Variants in SPOCK1 observed in about 807,000 individuals in gnomAD.
The protein encoded by SPOCK1 is testican-1.
In SPOCK1, 23 loss-of-function variants were observed where a neutral mutation model predicts 55.3. The ratio of observed to expected loss-of-function variants is 0.42; its 90% confidence interval spans 0.30 to 0.59. The LOEUF (loss-of-function observed/expected upper bound fraction) is 0.59, where lower values mean the gene tolerates loss of function less well. Ranked by LOEUF, SPOCK1 falls within the 20% of genes least tolerant of loss-of-function variation. The probability of loss-of-function intolerance (pLI) is 0.22; values close to 1 mark genes in which losing one functional copy is unlikely to be tolerated. For synonymous variants in SPOCK1, 226 were observed against 221.0 expected, an observed-to-expected ratio of 1.02 and a Z score of -0.20; for missense variants, 499 against 552.5, an observed-to-expected ratio of 0.90 and a Z score of 0.97.
intron 3 of SPOCK1, among the ~76,000 whole-genome samples, chr5:137,217,864 C>T (rs1046238367): frequency 1.3e-5 from 2 of 152,176 alleles, no homozygotes; most frequent in South Asian, 4.2e-4. Context: ...AAGTGACAAG[C>T]GGGAATAGAA....
intron 3 of SPOCK1, among the ~76,000 whole-genome samples, chr5:137,147,430 C>G (rs1417362274): frequency 1.3e-5 from 2 of 152,182 alleles, no homozygotes; most frequent in Non-Finnish European, 2.9e-5. Flanking sequence ...GCTTAAACAA[C>G]AGAAATTTAT....
chr5:137,407,469 G>T (rs1229719), intron 2 of SPOCK1, among the ~76,000 whole-genome samples: 8 of 151,886 alleles, frequency 5.3e-5, no homozygotes, highest in South Asian at 2.1e-4. Flanking sequence ...TACCTGAGAG[G>T]GGGGAGTGGT....
At position 137,381,875 on chromosome 5, in the gene SPOCK1, G is replaced by T. The variant is rs373194475; in HGVS notation, c.187-114820C>A. Among the ~76,000 whole-genome samples the T allele has an allele frequency of 7.2e-5, 11 of 152,322 alleles. No homozygotes were observed. In the East Asian group the frequency reaches 1.2e-3, roughly 16 times the overall value. On this transcript the variant is annotated intron_variant, in intron 2 of 10. Transcript: ENST00000394945. ...CTCTTTACTTATGCAAATTTCTGCA[G>T]CAGACTTGAATTTCTCCACCAAAAA...
chr5:137,074,413 A>G (rs1420673729), intron 5 of SPOCK1, among the ~76,000 whole-genome samples: 1 of 152,190 alleles, frequency 6.6e-6, no homozygotes, highest in African/African-American at 2.4e-5. Flanking sequence ...AGGTGTCACA[A>G]TGCTGCAAAT....
At chr5:137,069,549 T>C (rs1752570296) in intron 5 of SPOCK1, among the ~76,000 whole-genome samples, 3 of 152,182 alleles carry the variant, frequency 2.0e-5, no homozygotes, top group Admixed American at 6.5e-5. Context: ...AAAGAGGACC[T>C]CAGGTATGGG....
chr5:137,390,654 C>T (rs560056106), intron 2 of SPOCK1, among the ~76,000 whole-genome samples: 6 of 152,134 alleles, frequency 3.9e-5, no homozygotes, highest in Non-Finnish European at 5.9e-5. Context: ...TTCTCAACTA[C>T]CAGAGGCAAA....
intron 5 of SPOCK1, among the ~76,000 whole-genome samples, chr5:137,075,487 G>C (rs1253070730): frequency 1.3e-5 from 2 of 152,222 alleles, no homozygotes; most frequent in African/African-American, 4.8e-5. Flanking sequence ...AAGTGATCCA[G>C]GTTTTCCAGA....
chr5:137,111,078 G>A (rs1303499165), intron 5 of SPOCK1, among the ~76,000 whole-genome samples: 2 of 152,096 alleles, frequency 1.3e-5, no homozygotes, highest in Non-Finnish European at 2.9e-5. Context: ...AAAATCGATA[G>A]GGAAAAGTGG....
At chr5:137,223,883 A>C (rs1162449108) in intron 3 of SPOCK1, among the ~76,000 whole-genome samples, 1 of 152,206 alleles carries the variant, frequency 6.6e-6, no homozygotes, top group Non-Finnish European at 1.5e-5. Context: ...GTACAAAATA[A>C]AGTTTATGAA....
At chr5:137,063,239 CAAA>C (rs34720226) in intron 6 of SPOCK1, among the ~76,000 whole-genome samples, 9 of 100,248 alleles carry the variant, frequency 9.0e-5, no homozygotes, top group Non-Finnish European at 1.3e-4. Context: ...GACTCCATCT[CAAA>C]AAAAAAAAAA....
intron 4 of SPOCK1, among the ~76,000 whole-genome samples, chr5:137,135,438 G>A (rs1451656230): frequency 6.6e-6 from 1 of 152,168 alleles, no homozygotes; most frequent in African/African-American, 2.4e-5. Flanking sequence ...TCCCCTAAGA[G>A]AACATTTTTC....
intron 6 of SPOCK1, among the ~76,000 whole-genome samples, chr5:137,039,718 C>T (rs534224039): frequency 6.6e-6 from 1 of 152,316 alleles, no homozygotes; most frequent in Admixed American, 6.5e-5. Context: ...AGCCTATAAA[C>T]CCAAAGCTGT....
chr5:137,162,044 T>C (rs1414637619), intron 3 of SPOCK1, among the ~76,000 whole-genome samples: 1 of 152,198 alleles, frequency 6.6e-6, no homozygotes, highest in Non-Finnish European at 1.5e-5. Flanking sequence ...AAAGTTGTTT[T>C]TCTTTCTTTC....
chr5:137,160,570 ATT>A (rs1491419504), intron 3 of SPOCK1, among the ~76,000 whole-genome samples: 7,700 of 71,822 alleles, frequency 0.11, 678 homozygotes, highest in East Asian at 0.21. Context: ...TATATTATAT[ATT>A]ATATAATATA....
intron 3 of SPOCK1, among the ~76,000 whole-genome samples, chr5:137,254,014 C>T (rs759482481): frequency 9.8e-5 from 15 of 152,314 alleles, no homozygotes; most frequent in Non-Finnish European, 1.3e-4. Context: ...ATGATGAATG[C>T]TCACTCTTAA....
At chr5:137,420,858 T>C (rs1275623744) in intron 2 of SPOCK1, among the ~76,000 whole-genome samples, 1 of 152,236 alleles carries the variant, frequency 6.6e-6, no homozygotes, top group Non-Finnish European at 1.5e-5. Context: ...GTGTTTGTTC[T>C]TGCTTCTCTA....
chr5:137,122,770 T>C (rs2905970), intron 4 of SPOCK1, among the ~76,000 whole-genome samples: 136,599 of 152,318 alleles, frequency 0.9, 61,326 homozygotes, highest in African/African-American at 0.93. Context: ...CATACAAAGG[T>C]TGGCACAAGC....
chr5:137,307,228 C>A (rs1757714322), intron 2 of SPOCK1, among the ~76,000 whole-genome samples: 1 of 152,186 alleles, frequency 6.6e-6, no homozygotes, highest in South Asian at 2.1e-4. Context: ...TCTCACAGGA[C>A]AAAGCTGGAG....
intron 6 of SPOCK1, among the ~76,000 whole-genome samples, chr5:136,995,292 C>T (rs1489181672): frequency 6.6e-6 from 1 of 152,186 alleles, no homozygotes; most frequent in African/African-American, 2.4e-5. Context: ...AAGCCAGGAA[C>T]CAGCATCTCT....
Sources: allele counts gnomAD v4.1 joint callset (sites outside exome capture counted in the v4.1 genomes callset), GRCh38; gene constraint gnomAD v4.1.1; transcripts MANE v1.5; gene names NCBI Gene and HGNC (gene_info 2026-07-23, HGNC 2026-07-21).